The following NFATC3 variants were observed in gnomAD, a reference collection of about 807,000 sequenced individuals.
NFATC3 encodes nuclear factor of activated T-cells, cytoplasmic 3.
In NFATC3, 46 loss-of-function variants were observed where a neutral mutation model predicts 98.6. The ratio of observed to expected loss-of-function variants is 0.47; its 90% CI spans 0.37 to 0.60. The LOEUF (loss-of-function observed/expected upper bound fraction) is 0.60, where lower values mean the gene tolerates loss of function less well. Ranked by LOEUF, NFATC3 falls within the 20% of genes least tolerant of loss-of-function variation. The pLI is 0.00. For synonymous variants in NFATC3, 512 were observed against 472.2 expected (o/e 1.08, Z -1.09); for missense variants, 1,256 against 1,295.5 (o/e 0.97, Z 0.47).
chr16:68,110,065 T>TA (rs1345898689), intron 1 of NFATC3, among the ~76,000 whole-genome samples: 1 of 151,966 alleles, frequency 6.6e-6, no homozygotes, highest in East Asian at 1.9e-4. Flanking sequence ...AGTGCAGTGA[T>TA]ACGATCTTGG....
intron 5 of NFATC3, among the ~76,000 whole-genome samples, chr16:68,172,065 C>T (rs1235030272): frequency 1.3e-5 from 2 of 150,734 alleles, no homozygotes; most frequent in Non-Finnish European, 3.0e-5. Context: ...GAACTCCTGA[C>T]CTCGTTATCC....
At chr16:68,164,439 C>G (rs569459851) in intron 4 of NFATC3, among the ~76,000 whole-genome samples, 2 of 152,174 alleles carry the variant, frequency 1.3e-5, no homozygotes, top group Admixed American at 6.5e-5. Context: ...AGCGCCTAAT[C>G]TCTTTTCTAA....
intron 9 of NFATC3, chr16:68,209,644 A>G (rs2041292627): frequency 2.5e-6 from 1 of 405,798 alleles, no homozygotes; most frequent in African/African-American, 2.1e-5. Flanking sequence ...AAGTTCATAG[A>G]GGTTCTTTGT....
At chr16:68,103,898 T>G (rs1339552024) in intron 1 of NFATC3, among the ~76,000 whole-genome samples, 1 of 152,240 alleles carries the variant, frequency 6.6e-6, no homozygotes, top group East Asian at 1.9e-4. Flanking sequence ...TTCCATTGAT[T>G]AATACATCTC....
intron 3 of NFATC3, chr16:68,138,620 C>A (rs2037574397): frequency 7.8e-7 from 1 of 1,288,992 alleles, no homozygotes; most frequent in African/African-American, 1.5e-5. Flanking sequence ...ACTACATTAA[C>A]CTGGAAATTA....
intron 3 of NFATC3, among the ~76,000 whole-genome samples, chr16:68,131,498 G>A (rs1389806381): frequency 6.6e-6 from 1 of 151,978 alleles, no homozygotes; most frequent in South Asian, 2.1e-4. Flanking sequence ...GGCTGGTCTC[G>A]AACTCCTGAC....
In NFATC3 at chr16:68,096,608, C is replaced by T. The variant is rs573182040; in HGVS notation, c.103+10824C>T. 4.6e-5 allele frequency among the ~76,000 whole-genome samples: 7 copies of T among 152,072 alleles called. No individual in the cohort carries two copies. The South Asian group carries it at 6.2e-4, about 14-fold the overall frequency. On this transcript the variant is annotated intron_variant, in intron 1 of 9. Transcript: ENST00000346183. Reference sequence around the variant, plus strand: ...CAACAATATTAATATAACAGAGGTACGGAGAAGGGCCTCTGAGCATATAAT... The same window carrying T: ...CAACAATATTAATATAACAGAGGTATGGAGAAGGGCCTCTGAGCATATAAT...
At chr16:68,116,230 T>A (rs1381784598) in intron 1 of NFATC3, among the ~76,000 whole-genome samples, 1 of 151,958 alleles carries the variant, frequency 6.6e-6, no homozygotes, top group Non-Finnish European at 1.5e-5. Flanking sequence ...AAACCATTAG[T>A]TTGTAGGCTA....
At chr16:68,178,636 G>C (rs914280376) in intron 6 of NFATC3, among the ~76,000 whole-genome samples, 1 of 152,178 alleles carries the variant, frequency 6.6e-6, no homozygotes, top group Non-Finnish European at 1.5e-5. Flanking sequence ...ATTGTGAACT[G>C]TTTGTATCAA....
chr16:68,165,250 A>G (rs1235796697), intron 4 of NFATC3, among the ~76,000 whole-genome samples: 1 of 152,068 alleles, frequency 6.6e-6, no homozygotes, highest in East Asian at 1.9e-4. Context: ...TAAATGGCAA[A>G]TGCTTTTTTA....
Position 68,191,690 on chromosome 16 carries a change from G to C in NFATC3, c.3021G>C (p.Gly1007=). Reference sequence around the variant, plus strand: ...ATCCAGCGTCATTTCCACCTGATGGGGCAACTGTGAGCATTAAACCTGAAC... The same window carrying C: ...ATCCAGCGTCATTTCCACCTGATGGCGCAACTGTGAGCATTAAACCTGAAC... ...LCDPASFPPD[G]ATVSIKPEPE... The change falls in exon 9 of 10, where the codon GGG becomes GGC. Residue 1007 remains glycine (G), a synonymous_variant. Transcript: ENST00000346183. 2 of 1,614,032 alleles carry C rather than the reference G, an allele frequency of 1.2e-6. No homozygotes were observed. Among genetic ancestry groups the C allele is most frequent in the Non-Finnish European group, 1.7e-6 (2 of 1,180,030 alleles).
intron 9 of NFATC3, among the ~76,000 whole-genome samples, chr16:68,205,596 C>T (rs1173938306): frequency 2.6e-5 from 4 of 152,116 alleles, no homozygotes; most frequent in Admixed American, 6.6e-5. Flanking sequence ...CAACATTATA[C>T]ATAGTTAAAA....
At chr16:68,096,912 A>C (rs1567494504) in intron 1 of NFATC3, among the ~76,000 whole-genome samples, 1 of 152,230 alleles carries the variant, frequency 6.6e-6, no homozygotes, top group Non-Finnish European at 1.5e-5. Context: ...AAGGATTTCA[A>C]ATTGGGCAGA....
At chr16:68,222,102 C>CAAT (rs75775419) in intron 9 of NFATC3, among the ~76,000 whole-genome samples, 4,421 of 150,884 alleles carry the variant, frequency 0.029, 81 homozygotes, top group Non-Finnish European at 0.044. Flanking sequence ...CTAGCTTGGG[C>CAAT]AACATGGTGA....
At chr16:68,131,780 A>G (rs1184374199) in intron 3 of NFATC3, among the ~76,000 whole-genome samples, 1 of 151,886 alleles carries the variant, frequency 6.6e-6, no homozygotes, top group Non-Finnish European at 1.5e-5. Flanking sequence ...GAGCCACTGC[A>G]CCTGGCCTAA....
intron 9 of NFATC3, among the ~76,000 whole-genome samples, chr16:68,220,370 C>A (rs993210211): frequency 5.9e-5 from 9 of 151,880 alleles, no homozygotes; most frequent in African/African-American, 2.2e-4. Flanking sequence ...ACCAAAAATA[C>A]AAAAATTAGC....
chr16:68,104,188 G>T (rs117784871), intron 1 of NFATC3, among the ~76,000 whole-genome samples: 4,892 of 152,162 alleles, frequency 0.032, 112 homozygotes, highest in Non-Finnish European at 0.052. Context: ...ACTTATTTAG[G>T]TCTTCTTTAA....
chr16:68,092,223 A>G (rs777951994), intron 1 of NFATC3, among the ~76,000 whole-genome samples: 28 of 152,166 alleles, frequency 1.8e-4, no homozygotes, highest in Non-Finnish European at 3.5e-4. Flanking sequence ...TGGGAGGCTG[A>G]GGCGGGTGGA....
chr16:68,106,142 T>C (rs908294026), intron 1 of NFATC3, among the ~76,000 whole-genome samples: 1 of 151,970 alleles, frequency 6.6e-6, no homozygotes, highest in African/African-American at 2.4e-5. Context: ...AGTGCTGGGA[T>C]TATAGGTGTG....
Sources: gnomAD v4.1 joint callset for allele counts (sites outside exome capture counted in the v4.1 genomes callset) on GRCh38, gnomAD v4.1.1 for gene constraint, MANE v1.5 for transcripts, NCBI Gene and HGNC (gene_info 2026-07-23, HGNC 2026-07-21) for gene names.